DUS4L: variants seen among roughly 807,000 people sequenced by gnomAD.
The protein encoded by DUS4L is tRNA-dihydrouridine(20a/20b) synthase [NAD(P)+]-like.
In DUS4L, 31 loss-of-function variants were observed where a neutral mutation model predicts 33.8. The observed-to-expected ratio is 0.92, with a 90% confidence interval of 0.69 to 1.24. The LOEUF is 1.24. Among genes scored for constraint, DUS4L ranks in the 50% most tolerant of loss-of-function variants. The pLI is 0.00. For missense variants in DUS4L, 368 were observed against 388.6 expected, an observed-to-expected ratio of 0.95 and a Z score of 0.45; for synonymous variants, 103 against 120.3, an observed-to-expected ratio of 0.86 and a Z score of 0.94.
chr7:107,572,975 T>TA (rs1287141814), intron 4 of DUS4L, among the ~76,000 whole-genome samples: 1 of 151,580 alleles, frequency 6.6e-6, no homozygotes, highest in African/African-American at 2.4e-5. Flanking sequence ...AAATTACAAA[T>TA]AAAAAGAACA....
chr7:107,570,093 A>T (rs1302973176), intron 3 of DUS4L: 1 of 150,686 alleles, frequency 6.6e-6, no homozygotes. Flanking sequence ...TTAACTATGT[A>T]TGAGTGTATT....
chr7:107,575,423 G>C, intron 6 of DUS4L, 113 bp downstream of exon 6: 1 of 1,171,868 alleles, frequency 8.5e-7, no homozygotes, highest in South Asian at 1.8e-5. Context: ...ATTGGTAGCT[G>C]GTGTATGGAA....
chr7:107,568,280 G>T (rs1258429407), intron 3 of DUS4L, among the ~76,000 whole-genome samples: 1 of 152,146 alleles, frequency 6.6e-6, no homozygotes, highest in Admixed American at 6.5e-5. Flanking sequence ...CATAGCAGCT[G>T]CACCATGTTA....
At position 107,575,418 on chromosome 7, in the gene DUS4L, T is replaced by C. The variant is rs181853674; in HGVS notation, c.479+108T>C. 2.4e-6 allele frequency: 3 copies of C among 1,231,444 alleles called. No homozygotes were observed. In the East Asian group the frequency reaches 7.8e-5, roughly 32 times the overall value. 76.3% of individuals were successfully genotyped at this position (1,231,444 alleles called of 1,614,324 possible). On this transcript the variant is annotated intron_variant, in intron 6 of 7. Transcript: ENST00000265720. ...GGAGTATCTATCCTAAATAAATTGGTAGCTGGTGTATGGAAATGTTGAAAA... is the reference window on the plus strand; with the variant it reads ...GGAGTATCTATCCTAAATAAATTGGCAGCTGGTGTATGGAAATGTTGAAAA...
chr7:107,575,274 T>C lies in DUS4L; in HGVS notation c.443T>C (p.Val148Ala). Residue 148 changes from valine to alanine, a missense_variant, in exon 6 of 8, where the codon GTG becomes GCG. Physicochemically the swap from Val to Ala is moderately conservative, Grantham distance 64. Coordinates refer to ENST00000265720, the MANE Select transcript of DUS4L (RefSeq NM_181581.3). The part of the protein sequence containing the change: ...QDMVKQVRNQ[V>A]ETPGFSVSIK... ...ATGGTGAAACAAGTAAGAAATCAAG[T>C]GGAAACCCCTGGATTTTCAGTTTCT... The C allele has an allele frequency of 1.2e-6, 2 of 1,611,212 alleles. No individual in the cohort carries two copies. Among genetic ancestry groups the C allele is most frequent in the Non-Finnish European group, 1.7e-6 (2 of 1,179,240 alleles).
intron 7 of DUS4L, 147 bp downstream of exon 7, chr7:107,576,739 T>TC: frequency 1.4e-6 from 1 of 726,726 alleles, no homozygotes; most frequent in Non-Finnish European, 2.1e-6. Context: ...TTTATTAAAA[T>TC]GATGTTAAGT....
chr7:107,567,187 G>C lies in DUS4L; in HGVS notation c.116+1G>C. 6.2e-7 allele frequency: 1 copy of C among 1,610,526 alleles called. No individual in the cohort carries two copies. The highest frequency in any genetic ancestry group is 8.5e-7 in the Non-Finnish European group (1 of 1,178,062). On this transcript the variant is annotated splice_donor_variant, in intron 3 of 7. Coordinates refer to ENST00000265720, the MANE Select transcript of DUS4L (RefSeq NM_181581.3). LOFTEE classifies it high-confidence loss of function. ...GTGCCCCAATGGTTCGATATTCAAA[G>C]TAAGTGTTGCAAAATGATTAATGAA...
rs1456215954 is a variant in DUS4L, at chr7:107,575,303, A to G, written c.472A>G (p.Lys158Glu). 1 of 1,609,716 alleles carries G rather than the reference A, an allele frequency of 6.2e-7. No individual in the cohort carries two copies. The highest frequency in any genetic ancestry group is 1.7e-5 in the Admixed American group (1 of 58,980). Residue 158 changes from lysine to glutamate, a missense_variant, in exon 6 of 8, where the codon AAA becomes GAA. Transcript: ENST00000265720. ...VETPGFSVSI[K>E]IRIHDDLKRT... ...AACCCCTGGATTTTCAGTTTCTATT[A>G]AAATAAGGTAAAGACAATATTTCAA... is the stretch of plus-strand genomic sequence containing the variant.
chr7:107,567,550 T>C (rs946286259), intron 3 of DUS4L, among the ~76,000 whole-genome samples: 29 of 152,124 alleles, frequency 1.9e-4, no homozygotes, highest in Admixed American at 1.3e-4. Flanking sequence ...GTGTGTTCAG[T>C]TTTCGAAGAA....
intron 6 of DUS4L, among the ~76,000 whole-genome samples, chr7:107,575,974 T>C (rs1805695620): frequency 6.6e-6 from 1 of 152,158 alleles, no homozygotes; most frequent in South Asian, 2.1e-4. Context: ...ATTACAGGAG[T>C]GAGCCACGGT....
intron 4 of DUS4L, among the ~76,000 whole-genome samples, chr7:107,572,935 A>G (rs1271017066): frequency 6.6e-6 from 1 of 152,188 alleles, no homozygotes; most frequent in Non-Finnish European, 1.5e-5. Flanking sequence ...CATGATAGAT[A>G]GCAATACTAA....
In DUS4L at chr7:107,578,213, A is replaced by G. The variant is rs1805943051; in HGVS notation, c.*653A>G. The G allele has an allele frequency of 1.3e-5, 2 of 152,202 alleles. No individual in the cohort carries two copies. The highest frequency in any genetic ancestry group is 6.5e-5 in the Admixed American group (1 of 15,282). The allele number at this position is 152,202 out of a possible 1,614,324, so 9.4% of individuals were successfully genotyped here. ...AGGAAATTTGGTGTCCAACCTGGAG[A>G]TGATTATATATTTGAAATATTTCCT... On this transcript the variant is annotated 3_prime_UTR_variant, in exon 8 of 8. Transcript: ENST00000265720.
At chr7:107,567,333 C>T (rs959428133) in intron 3 of DUS4L, 147 bp downstream of exon 3, 3 of 648,378 alleles carry the variant, frequency 4.6e-6, no homozygotes, top group African/African-American at 1.8e-5. Flanking sequence ...CATGATGCTA[C>T]TACTTGCCTA....
intron 6 of DUS4L, among the ~76,000 whole-genome samples, chr7:107,576,115 C>T (rs1805715644): frequency 6.6e-6 from 1 of 152,180 alleles, no homozygotes; most frequent in African/African-American, 2.4e-5. Flanking sequence ...TTTATCAAAG[C>T]CAAAACATAG....
chr7:107,574,623 C>T (rs1805567035), intron 5 of DUS4L, among the ~76,000 whole-genome samples: 2 of 152,190 alleles, frequency 1.3e-5, no homozygotes, highest in Non-Finnish European at 2.9e-5. Flanking sequence ...CAGGCCTGAG[C>T]CACCGCGCCC....
intron 3 of DUS4L, chr7:107,567,806 C>T: frequency 2.2e-6 from 1 of 445,738 alleles, no homozygotes; most frequent in South Asian, 1.6e-5. Context: ...CACTGTTCCT[C>T]ACAGCAGCCC....
chr7:107,576,625 G>T (rs1207168936), intron 7 of DUS4L, 33 bp downstream of exon 7: 1 of 1,380,756 alleles, frequency 7.2e-7, no homozygotes, highest in East Asian at 2.6e-5. Context: ...CTTTTAATTG[G>T]GGGGGGAAGA....
Position 107,564,007 on chromosome 7 carries a change from G to C in DUS4L, c.-313G>C, listed in dbSNP as rs983074697. The C allele has an allele frequency of 3.2e-6, 5 of 1,548,768 alleles. No homozygotes were observed. The African/African-American group carries it at 6.8e-5, about 21-fold the overall frequency. Reference sequence around the variant, plus strand: ...CAGCCCATGGCTCCAGGCCCACCTGGCGAACTGACTCTCAGCCCGCGCCTG... The same window carrying C: ...CAGCCCATGGCTCCAGGCCCACCTGCCGAACTGACTCTCAGCCCGCGCCTG... On this transcript the variant is annotated 5_prime_UTR_variant, in exon 1 of 8. Transcript: ENST00000265720.
intron 4 of DUS4L, among the ~76,000 whole-genome samples, chr7:107,573,261 G>T (rs1019864215): frequency 6.6e-6 from 1 of 152,062 alleles, no homozygotes; most frequent in African/African-American, 2.4e-5. Context: ...TACACTATAT[G>T]GTCCATCCGT....
Sources: allele counts gnomAD v4.1 joint callset (sites outside exome capture counted in the v4.1 genomes callset), GRCh38; gene constraint gnomAD v4.1.1; transcripts MANE v1.5; gene names NCBI Gene and HGNC (gene_info 2026-07-23, HGNC 2026-07-21).